The following MYO15B variants were observed in gnomAD, a reference collection of about 807,000 sequenced individuals.
MYO15B encodes myosin XVB pseudogene.
MYO15B carries 207 observed loss-of-function variants against 119.3 expected under a neutral mutation model. The ratio of observed to expected loss-of-function variants is 1.73; its 90% CI spans 1.55 to 1.95. MYO15B has a LOEUF of 1.95. Among genes scored for constraint, MYO15B ranks in the 30% most tolerant of loss-of-function variants. The probability of loss-of-function intolerance (pLI) is 0.00; values close to 1 mark genes in which losing one functional copy is unlikely to be tolerated. For missense variants in MYO15B, 2,264 were observed against 1,203.1 expected (o/e 1.88, Z -13.04); for synonymous variants, 966 against 498.9 (o/e 1.94, Z -12.48).
At chr17:75,590,121 G>A (rs565406713) in exon 1 of MYO15B, 21 of 399,038 alleles carry the variant, frequency 5.3e-5, no homozygotes, top group Non-Finnish European at 7.5e-5. Flanking sequence ...AGGACGAGGC[G>A]GTGCTGGAGA....
At chr17:75,606,833 A>G (rs2467568) in intron 21 of MYO15B, 3 of 395,436 alleles carry the variant, frequency 7.6e-6, no homozygotes, top group Admixed American at 4.4e-5. Context: ...CCCCAGCCCA[A>G]TTTAGGCCAG....
At chr17:75,622,161 C>G in intron 53 of MYO15B, 81 bp downstream of exon 53, 1 of 687,956 alleles carries the variant, frequency 1.5e-6, no homozygotes, top group Admixed American at 2.1e-5. Context: ...CTCTTGGTCA[C>G]TGTCCTTCAA....
chr17:75,591,741 G>C (rs1247808827), intron 5 of MYO15B, 29 bp downstream of exon 5: 1 of 702,690 alleles, frequency 1.4e-6, no homozygotes, highest in African/African-American at 1.7e-5. Flanking sequence ...GTACCTCATG[G>C]GTTGAGCTGG....
chr17:75,620,204 A>G, intron 47 of MYO15B, 42 bp from the exon 48 acceptor site: 2 of 702,096 alleles, frequency 2.8e-6, no homozygotes, highest in Non-Finnish European at 5.2e-6. Flanking sequence ...AGGGAGGCAC[A>G]GGCAGACTTG....
chr17:75,605,386 G>A (rs937751688), intron 19 of MYO15B, 118 bp from the exon 20 acceptor site: 45 of 606,706 alleles, frequency 7.4e-5, no homozygotes, highest in Non-Finnish European at 1.2e-4. Context: ...GCAGTGAGCC[G>A]AGATCGCGCC....
intron 47 of MYO15B, 78 bp downstream of exon 47, chr17:75,620,098 G>T (rs878986354): frequency 1.6e-5 from 11 of 672,746 alleles, no homozygotes; most frequent in South Asian, 1.3e-4. Context: ...TCTTCCCTGT[G>T]GGGGCAGGGG....
At chr17:75,623,120 T>C (rs918179980) in intron 53 of MYO15B, among the ~76,000 whole-genome samples, 2 of 151,886 alleles carry the variant, frequency 1.3e-5, no homozygotes, top group African/African-American at 2.4e-5. Flanking sequence ...TCACCTGAGG[T>C]AGGAGTTGCA....
At position 75,591,074 on chromosome 17, in the gene MYO15B, A is replaced by G. The variant is rs141617043; in HGVS notation, c.2360+58A>G. 1,295 of 686,702 alleles carry G rather than the reference A, an allele frequency of 1.9e-3. 16 individuals carry two copies. In the African/African-American group the frequency reaches 0.02, roughly 10 times the overall value. 42.5% of individuals were successfully genotyped at this position (686,702 alleles called of 1,614,324 possible). On this transcript the variant is annotated intron_variant, in intron 3 of 63. Transcript: ENST00000645453. ...ACCTCCCAGGCAGCCCAGTCCCTGCATGTCCCCTTGACTGAGGTCCCGGGG... is the reference window on the plus strand; with the variant it reads ...ACCTCCCAGGCAGCCCAGTCCCTGCGTGTCCCCTTGACTGAGGTCCCGGGG...
At chr17:75,617,027 G>A (rs542030213) in intron 40 of MYO15B, 58 bp from the exon 41 acceptor site, 1 of 695,866 alleles carries the variant, frequency 1.4e-6, no homozygotes, top group East Asian at 2.7e-5. Context: ...AGGCTCTCTG[G>A]GGCGAACTTG....
exon 49 of MYO15B, chr17:75,620,516 C>A (rs1393667038): frequency 1.4e-6 from 1 of 702,838 alleles, no homozygotes; most frequent in South Asian, 1.5e-5. Flanking sequence ...TTCCTGCCGA[C>A]ATAGTGCAGC....
intron 23 of MYO15B, among the ~76,000 whole-genome samples, 156 bp from the exon 24 acceptor site, chr17:75,611,445 G>A (rs2058021254): frequency 6.7e-6 from 1 of 149,886 alleles, no homozygotes; most frequent in Non-Finnish European, 1.5e-5. Flanking sequence ...CTCTAGCCTG[G>A]GTGACAGAGT....
chr17:75,589,928 C>A lies in MYO15B; in HGVS notation c.1871C>A (p.Ala624Glu), dbSNP rs2056331019. 1 of 398,650 alleles carries A rather than the reference C, an allele frequency of 2.5e-6. No individual in the cohort carries two copies. The highest frequency in any genetic ancestry group is 4.4e-5 in the Admixed American group (1 of 22,736). 24.7% of individuals were successfully genotyped at this position (398,650 alleles called of 1,614,324 possible). A position where few individuals can be genotyped will look rare whatever the true frequency, so the allele number is the denominator to read the frequency against. ...GACGAGAGCGGCTCCAGCAGTGAGG[C>A]GGAGTTGGAGACCCTCAATGACGAG... The change falls in exon 1 of 64, where the codon GCG (alanine) becomes GAG (glutamate). Residue 624 changes from alanine (A) to glutamate (E), a missense_variant. By Grantham distance (107) the Ala-to-Glu change is moderately radical. Transcript: ENST00000645453. This position sits in a 1 kb window ranked among gnomAD's most constrained non-coding sequence, Gnocchi z 4.2.
At chr17:75,620,203 C>T (rs1247085594) in intron 47 of MYO15B, 43 bp from the exon 48 acceptor site, 11 of 701,972 alleles carry the variant, frequency 1.6e-5, no homozygotes, top group Middle Eastern at 2.5e-4. Context: ...CAGGGAGGCA[C>T]AGGCAGACTT....
At chr17:75,609,014 G>A (rs971541043) in intron 21 of MYO15B, among the ~76,000 whole-genome samples, 4 of 152,010 alleles carry the variant, frequency 2.6e-5, no homozygotes, top group Non-Finnish European at 5.9e-5. Context: ...TTATAGGCGT[G>A]AGCCACCACG....
chr17:75,621,429 G>C, intron 51 of MYO15B, 21 bp downstream of exon 51: 3 of 699,410 alleles, frequency 4.3e-6, no homozygotes, highest in Non-Finnish European at 7.8e-6. Context: ...GGCAGGGAGG[G>C]GTCTGGCCCG....
At chr17:75,619,537 A>G (rs1392254493) in intron 45 of MYO15B, 61 bp downstream of exon 45, 4 of 689,860 alleles carry the variant, frequency 5.8e-6, no homozygotes, top group Non-Finnish European at 1.1e-5. Flanking sequence ...CCTGGGGTGC[A>G]TGGGCACAGA....
intron 21 of MYO15B, among the ~76,000 whole-genome samples, chr17:75,606,359 G>C (rs1227821097): frequency 1.3e-5 from 2 of 151,848 alleles, no homozygotes; most frequent in Non-Finnish European, 2.9e-5. Flanking sequence ...TTGTTACCCA[G>C]GCTGGAGTGC....
At position 75,594,392 on chromosome 17, in the gene MYO15B, C is replaced by G. The variant is rs2056710313; in HGVS notation, c.2992-83C>G. 1.8e-5 allele frequency: 10 copies of G among 563,362 alleles called. No individual in the cohort carries two copies. In the South Asian group the frequency reaches 2.4e-4, roughly 14 times the overall value. 34.9% of individuals were successfully genotyped at this position (563,362 alleles called of 1,614,324 possible). A position where few individuals can be genotyped will look rare whatever the true frequency, so the allele number is the denominator to read the frequency against. ...TCCCCTTTGGTGACAGGGCCACTTA[C>G]CAGGCAAAGCCCGGCCTGCCCTGCC... On this transcript the variant is annotated intron_variant, in intron 9 of 63. Transcript: ENST00000645453.
rs530454803 is a variant in MYO15B, at chr17:75,590,089, G to A, written c.2032G>A (p.Glu678Lys). The A allele has an allele frequency of 5.3e-5, 21 of 399,070 alleles. No homozygotes were observed. The South Asian group carries it at 2.3e-3, about 43-fold the overall frequency. 24.7% of individuals were successfully genotyped at this position (399,070 alleles called of 1,614,324 possible). A position where few individuals can be genotyped will look rare whatever the true frequency, so the allele number is the denominator to read the frequency against. Residue 678 changes from glutamate to lysine, a missense_variant, in exon 1 of 64, where the codon GAG (glutamate) becomes AAG (lysine). Coordinates refer to ENST00000645453, the Ensembl canonical transcript of MYO15B. ...CCCGGGCCTCCGTGGGTCCCTGAGG[G>A]AGCTGTGGGAACCCGAGGATGAGGA...
Sources: gnomAD v4.1 joint callset for allele counts (sites outside exome capture counted in the v4.1 genomes callset) on GRCh38, gnomAD v4.1.1 for gene constraint, Gnocchi (gnomAD v3.1) non-coding constraint, MANE v1.5 for transcripts, NCBI Gene and HGNC (gene_info 2026-07-23, HGNC 2026-07-21) for gene names.